The following ITPR1 variants were observed in gnomAD, a reference collection of about 807,000 sequenced individuals.
The protein encoded by ITPR1 is inositol 1,4,5-trisphosphate-gated calcium channel ITPR1.
Under a neutral mutation model 318.4 loss-of-function variants are expected in ITPR1, and 96 were observed. The ratio of observed to expected loss-of-function variants is 0.30; its 90% CI spans 0.26 to 0.36. The LOEUF is 0.36. Among genes scored for constraint, ITPR1 ranks in the 10% least tolerant of loss-of-function variants. The pLI is 1.00. For missense variants in ITPR1, 2,440 were observed against 3,460.2 expected, an observed-to-expected ratio of 0.71 and a Z score of 7.40; for synonymous variants, 1,312 against 1,289.9, an observed-to-expected ratio of 1.02 and a Z score of -0.37.
At chr3:4,684,418 A>T in intron 29 of ITPR1, 72 bp downstream of exon 29, 1 of 1,079,662 alleles carries the variant, frequency 9.3e-7, no homozygotes, top group East Asian at 2.5e-5. Context: ...TGTGATAGTC[A>T]AGTTGAAGGT....
chr3:4,777,248 G>C lies in ITPR1; in HGVS notation c.6181-16G>C. Reference sequence around the variant, plus strand: ...GACCAGCGTTTGTGTGAATGTCTGTGTGTGTCTTTGCTCAGAACTGCATAG... The same window carrying C: ...GACCAGCGTTTGTGTGAATGTCTGTCTGTGTCTTTGCTCAGAACTGCATAG... On this transcript the variant is annotated splice_polypyrimidine_tract_variant and intron_variant, in intron 47 of 61. Transcript: ENST00000649015. 1 of 1,491,010 alleles carries C rather than the reference G, an allele frequency of 6.7e-7. No homozygotes were observed. The highest frequency in any genetic ancestry group is 9.3e-7 in the Non-Finnish European group (1 of 1,080,026). The allele number at this position is 1,491,010 out of a possible 1,614,324, so 92.4% of individuals were successfully genotyped here. A position where few individuals can be genotyped will look rare whatever the true frequency, so the allele number is the denominator to read the frequency against.
At chr3:4,595,753 G>A (rs1559506795) in intron 4 of ITPR1, among the ~76,000 whole-genome samples, 1 of 152,120 alleles carries the variant, frequency 6.6e-6, no homozygotes, top group Non-Finnish European at 1.5e-5. Context: ...AGGTCGCATG[G>A]CACCAAGACT....
intron 61 of ITPR1, among the ~76,000 whole-genome samples, chr3:4,843,823 A>C (rs1559998471): frequency 6.6e-6 from 1 of 150,894 alleles, no homozygotes. Context: ...TGGAAGTGAA[A>C]AGGAAGCCAG....
intron 4 of ITPR1, among the ~76,000 whole-genome samples, chr3:4,617,041 T>C (rs1288228348): frequency 6.6e-6 from 1 of 152,004 alleles, no homozygotes; most frequent in Non-Finnish European, 1.5e-5. Context: ...TGAGAATTTC[T>C]TTGGAATGTG....
chr3:4,689,937 T>C (rs1017887142), intron 31 of ITPR1, among the ~76,000 whole-genome samples: 1 of 152,184 alleles, frequency 6.6e-6, no homozygotes, highest in Non-Finnish European at 1.5e-5. Context: ...ATATCCAGAA[T>C]GTACATAACA....
chr3:4,816,587 A>C (rs1035641383), intron 59 of ITPR1, among the ~76,000 whole-genome samples: 1 of 152,154 alleles, frequency 6.6e-6, no homozygotes, highest in East Asian at 1.9e-4. Context: ...GGATTTCACT[A>C]TGTTGCTGAG....
At chr3:4,601,201 G>A (rs1327012528) in intron 4 of ITPR1, among the ~76,000 whole-genome samples, 1 of 120,450 alleles carries the variant, frequency 8.3e-6, no homozygotes, top group African/African-American at 3.0e-5. Flanking sequence ...TTGGCACTGG[G>A]GCAACTGGAT....
chr3:4,510,210 G>A (rs1330437080), intron 2 of ITPR1, among the ~76,000 whole-genome samples: 1 of 152,176 alleles, frequency 6.6e-6, no homozygotes, highest in Admixed American at 6.5e-5. Flanking sequence ...AGGGAACAGA[G>A]CATGGTGGGG....
chr3:4,500,014 G>A (rs2080902906), intron 2 of ITPR1, among the ~76,000 whole-genome samples: 1 of 152,176 alleles, frequency 6.6e-6, no homozygotes, highest in Non-Finnish European at 1.5e-5. Flanking sequence ...GAATCCATTA[G>A]TTCTCTCGTC....
intron 4 of ITPR1, among the ~76,000 whole-genome samples, chr3:4,553,463 C>T (rs1187300661): frequency 6.6e-6 from 1 of 152,110 alleles, no homozygotes; most frequent in African/African-American, 2.4e-5. Context: ...GAGGGTCTTG[C>T]TGTGTCACCC....
At chr3:4,808,246 A>G (rs970932787) in intron 55 of ITPR1, among the ~76,000 whole-genome samples, 3 of 152,178 alleles carry the variant, frequency 2.0e-5, no homozygotes, top group Non-Finnish European at 2.9e-5. Flanking sequence ...GTATCTTCCA[A>G]TTACACCTGA....
chr3:4,841,400 G>C lies in ITPR1; in HGVS notation c.8190+4465G>C, dbSNP rs537094709. Among the ~76,000 whole-genome samples the C allele has an allele frequency of 7.9e-5, 12 of 152,342 alleles. No individual in the cohort carries two copies. The East Asian group carries it at 2.3e-3, about 29-fold the overall frequency. On this transcript the variant is annotated intron_variant, in intron 61 of 61. Coordinates refer to ENST00000649015, the MANE Select transcript of ITPR1 (RefSeq NM_001378452.1). ...CTTCCCAGGAAAGGAATCAGCATGA[G>C]CAACGGCATGAAAATGCATGGCATG... is the stretch of plus-strand genomic sequence containing the variant.
At chr3:4,513,977 C>T (rs936508971) in intron 2 of ITPR1, among the ~76,000 whole-genome samples, 9 of 152,070 alleles carry the variant, frequency 5.9e-5, no homozygotes, top group African/African-American at 1.9e-4. Context: ...ATCCCAGCTA[C>T]TCAGGAGGCT....
intron 28 of ITPR1, 95 bp from the exon 29 acceptor site, chr3:4,684,186 C>A: frequency 1.3e-6 from 1 of 798,356 alleles, no homozygotes; most frequent in Non-Finnish European, 2.2e-6. Context: ...CAGTATAGAA[C>A]TCCCTTTCTT....
intron 17 of ITPR1, 23 bp from the exon 18 acceptor site, chr3:4,667,354 G>T (rs146818336): frequency 1.3e-6 from 2 of 1,567,510 alleles, no homozygotes; most frequent in African/African-American, 1.4e-5. Context: ...TCCTACTGAC[G>T]TCTCTTTTCT....
intron 54 of ITPR1, among the ~76,000 whole-genome samples, chr3:4,804,666 C>G (rs1223147024): frequency 6.6e-6 from 1 of 152,168 alleles, no homozygotes; most frequent in Non-Finnish European, 1.5e-5. Flanking sequence ...CCATCTGCCT[C>G]TCCCTGAAAC....
chr3:4,507,025 A>T (rs1331972450), intron 2 of ITPR1, among the ~76,000 whole-genome samples: 1 of 152,110 alleles, frequency 6.6e-6, no homozygotes, highest in Non-Finnish European at 1.5e-5. Flanking sequence ...AACCAATTAC[A>T]CATTAACGTA....
intron 16 of ITPR1, among the ~76,000 whole-genome samples, chr3:4,664,559 A>C (rs891227789): frequency 6.6e-6 from 1 of 152,252 alleles, no homozygotes; most frequent in African/African-American, 2.4e-5. Flanking sequence ...TTCCAGTTCA[A>C]GAGTAAATGT....
intron 4 of ITPR1, among the ~76,000 whole-genome samples, chr3:4,583,371 G>T (rs992615346): frequency 2.6e-5 from 4 of 152,028 alleles, no homozygotes; most frequent in African/African-American, 9.7e-5. Context: ...TCATAGCATG[G>T]ACACCCGTTC....
Sources: allele counts gnomAD v4.1 joint callset (sites outside exome capture counted in the v4.1 genomes callset), GRCh38; gene constraint gnomAD v4.1.1; transcripts MANE v1.5; gene names NCBI Gene and HGNC (gene_info 2026-07-23, HGNC 2026-07-21).